CDC27: variants seen among roughly 807,000 people sequenced by gnomAD.
CDC27 encodes cell division cycle 27.
In CDC27, 27 loss-of-function variants were observed where a neutral mutation model predicts 109.7. The observed-to-expected ratio is 0.25, with a 90% CI of 0.18 to 0.34. The LOEUF (loss-of-function observed/expected upper bound fraction) is 0.34. CDC27 is among the 10% of genes least tolerant of loss of function. The pLI, the probability that CDC27 is intolerant of heterozygous loss-of-function variation, is 1.00. For missense variants in CDC27, 579 were observed against 960.2 expected (o/e 0.60, Z 5.25); for synonymous variants, 266 against 333.9 (o/e 0.80, Z 2.22).
At chr17:47,123,647 C>T (rs538405488) in intron 17 of CDC27, among the ~76,000 whole-genome samples, 106 of 151,754 alleles carry the variant, frequency 7.0e-4, no homozygotes, top group African/African-American at 2.5e-3. Flanking sequence ...CCTGACCTCA[C>T]GTAATCTACC....
chr17:47,150,564 A>C (rs1243455648), intron 9 of CDC27, among the ~76,000 whole-genome samples: 1 of 152,202 alleles, frequency 6.6e-6, no homozygotes, highest in East Asian at 1.9e-4. Context: ...TGGAAGGGGA[A>C]CAACCCTGCC....
At chr17:47,158,331 A>G (rs1336046262) in intron 4 of CDC27, 28 bp from the exon 5 acceptor site, 2 of 1,264,044 alleles carry the variant, frequency 1.6e-6, no homozygotes, top group Non-Finnish European at 2.2e-6. Flanking sequence ...TAGATTAAAT[A>G]AGCTACAAAC....
At chr17:47,187,155 T>C (rs16941640) in intron 1 of CDC27, among the ~76,000 whole-genome samples, 1 of 152,106 alleles carries the variant, frequency 6.6e-6, no homozygotes, top group Admixed American at 6.6e-5. Flanking sequence ...AATGCTGCTA[T>C]GAAAAAGAAG....
intron 4 of CDC27, among the ~76,000 whole-genome samples, chr17:47,162,500 G>C (rs1011488630): frequency 6.6e-6 from 1 of 151,948 alleles, no homozygotes; most frequent in Non-Finnish European, 1.5e-5. Flanking sequence ...AAGTAGCCCC[G>C]TCCCCTTGCT....
chr17:47,122,307 C>A, intron 18 of CDC27, 137 bp downstream of exon 18: 1 of 525,766 alleles, frequency 1.9e-6, no homozygotes, highest in East Asian at 3.0e-5. Flanking sequence ...ATTACATCAC[C>A]CTGTTCAATT....
intron 16 of CDC27, among the ~76,000 whole-genome samples, chr17:47,128,250 C>T (rs182285668): frequency 1.3e-5 from 2 of 152,066 alleles, no homozygotes; most frequent in Middle Eastern, 3.2e-3. Flanking sequence ...AGGCTGGTCT[C>T]GAACTTCTGA....
chr17:47,125,186 C>G (rs1363588971), intron 16 of CDC27, among the ~76,000 whole-genome samples: 1 of 146,210 alleles, frequency 6.8e-6, no homozygotes, highest in Admixed American at 7.0e-5. Context: ...TCCCAAAGTG[C>G]TAGGATTACA....
At chr17:47,158,336 A>C in intron 4 of CDC27, 33 bp from the exon 5 acceptor site, 1 of 1,149,708 alleles carries the variant, frequency 8.7e-7, no homozygotes, top group Non-Finnish European at 1.2e-6. Flanking sequence ...TAAATAAGCT[A>C]CAAACCCCAA....
chr17:47,136,419 C>G (rs2062593689), intron 14 of CDC27, among the ~76,000 whole-genome samples: 1 of 151,992 alleles, frequency 6.6e-6, no homozygotes, highest in African/African-American at 2.4e-5. Flanking sequence ...TATAATAACC[C>G]CAAAGATAAC....
chr17:47,135,106 G>C (rs911376637), intron 14 of CDC27, among the ~76,000 whole-genome samples: 6 of 152,026 alleles, frequency 3.9e-5, no homozygotes, highest in African/African-American at 1.4e-4. Context: ...AGCTAATAAA[G>C]ATTCTAACCA....
intron 5 of CDC27, 85 bp from the exon 6 acceptor site, chr17:47,157,469 G>A (rs537914509): frequency 5.0e-6 from 5 of 1,009,448 alleles, no homozygotes; most frequent in Non-Finnish European, 7.3e-6. Flanking sequence ...AGTGGAAACA[G>A]GAAATAGGCC....
chr17:47,151,761 C>G (rs767929626), intron 9 of CDC27, 45 bp downstream of exon 9: 1 of 1,430,902 alleles, frequency 7.0e-7, no homozygotes, highest in Admixed American at 2.3e-5. Flanking sequence ...TGTAAAGAAT[C>G]AAGTTTTATG....
chr17:47,189,079 T>G (rs1598636743), intron 1 of CDC27, 67 bp downstream of exon 1: 7 of 1,551,842 alleles, frequency 4.5e-6, no homozygotes, highest in African/African-American at 2.7e-5. Context: ...GGCCGCGGAG[T>G]GGCCCTACGC....
intron 14 of CDC27, among the ~76,000 whole-genome samples, chr17:47,133,028 T>TATATATACACACAC (rs1555783886): frequency 1.3e-4 from 4 of 29,818 alleles, no homozygotes; most frequent in Admixed American, 5.1e-4. Context: ...TATATATATA[T>TATATATACACACAC]ACACACACAC....
chr17:47,149,129 A>G (rs1391369927), intron 9 of CDC27, among the ~76,000 whole-genome samples: 1 of 151,802 alleles, frequency 6.6e-6, no homozygotes, highest in Non-Finnish European at 1.5e-5. Flanking sequence ...TAGTAAAAAT[A>G]TTGTTCAAAA....
At chr17:47,133,002 T>C (rs186626416) in intron 14 of CDC27, among the ~76,000 whole-genome samples, 10,295 of 49,928 alleles carry the variant, frequency 0.21, 869 homozygotes, top group East Asian at 0.38. Flanking sequence ...TATATATATA[T>C]ATATATATAT....
chr17:47,172,146 C>CAA, intron 2 of CDC27, 82 bp from the exon 3 acceptor site: 50 of 669,900 alleles, frequency 7.5e-5, no homozygotes, highest in South Asian at 1.2e-4. Context: ...ACAAGTTTAG[C>CAA]AAAAAAAAAA....
intron 9 of CDC27, among the ~76,000 whole-genome samples, chr17:47,146,146 G>T (rs2062952706): frequency 6.6e-6 from 1 of 152,212 alleles, no homozygotes; most frequent in Non-Finnish European, 1.5e-5. Context: ...TCTGTATCAG[G>T]ACCCTCCCAT....
intron 1 of CDC27, 111 bp from the exon 2 acceptor site, chr17:47,181,748 A>G: frequency 1.8e-6 from 1 of 555,622 alleles, no homozygotes; most frequent in Non-Finnish European, 3.2e-6. Flanking sequence ...AATTTAAGTG[A>G]TAAAACCCCA....
Sources: allele counts gnomAD v4.1 joint callset (sites outside exome capture counted in the v4.1 genomes callset), GRCh38; gene constraint gnomAD v4.1.1; transcripts MANE v1.5; gene names NCBI Gene and HGNC (gene_info 2026-07-23, HGNC 2026-07-21).